The following SUPT3H variants were observed in gnomAD, a reference collection of about 807,000 sequenced individuals.
SUPT3H encodes transcription initiation protein SPT3 homolog.
A neutral mutation model predicts 44.3 loss-of-function variants in SUPT3H; 44 were observed. The ratio of observed to expected loss-of-function variants is 0.99; its 90% confidence interval spans 0.78 to 1.28. The LOEUF (loss-of-function observed/expected upper bound fraction) is 1.28. Ranked by LOEUF, SUPT3H falls within the 50% of genes most tolerant of loss-of-function variation. SUPT3H has a pLI of 0.00. For missense variants in SUPT3H, 380 were observed against 387.1 expected (o/e 0.98, Z 0.15); for synonymous variants, 124 against 125.6 (o/e 0.99, Z 0.09).
chr6:44,946,785 TAA>T (rs1773420382), intron 9 of SUPT3H, among the ~76,000 whole-genome samples: 1 of 152,182 alleles, frequency 6.6e-6, no homozygotes, highest in Non-Finnish European at 1.5e-5. Flanking sequence ...CTTAGTTCCA[TAA>T]ACTTAGCTGA....
chr6:45,274,037 G>A (rs1222543249), intron 2 of SUPT3H, among the ~76,000 whole-genome samples: 4 of 152,100 alleles, frequency 2.6e-5, no homozygotes, highest in Non-Finnish European at 5.9e-5. Flanking sequence ...GTTTTGATTT[G>A]CCAATAGCTA....
intron 10 of SUPT3H, among the ~76,000 whole-genome samples, chr6:44,901,481 T>C (rs1317942069): frequency 6.6e-6 from 1 of 151,922 alleles, no homozygotes; most frequent in African/African-American, 2.4e-5. Flanking sequence ...GAAAAAAGAA[T>C]AAAAAGAAAC....
At chr6:45,049,729 C>G (rs1044978133) in intron 3 of SUPT3H, among the ~76,000 whole-genome samples, 1 of 151,992 alleles carries the variant, frequency 6.6e-6, no homozygotes, top group Non-Finnish European at 1.5e-5. Flanking sequence ...AGCAAAAAAC[C>G]CCTTCACTTT....
intron 10 of SUPT3H, among the ~76,000 whole-genome samples, chr6:44,894,865 A>C (rs1343011727): frequency 6.6e-6 from 1 of 151,878 alleles, no homozygotes; most frequent in Non-Finnish European, 1.5e-5. Context: ...TTAAAATAAT[A>C]TAAAATATAA....
chr6:45,146,960 T>A (rs938812075), intron 2 of SUPT3H, among the ~76,000 whole-genome samples: 1 of 152,112 alleles, frequency 6.6e-6, no homozygotes, highest in Admixed American at 6.6e-5. Context: ...TTCATAATAA[T>A]TGAGAACAAC....
chr6:45,007,560 T>G (rs1782885304), intron 5 of SUPT3H, among the ~76,000 whole-genome samples: 1 of 152,154 alleles, frequency 6.6e-6, no homozygotes, highest in African/African-American at 2.4e-5. Flanking sequence ...TGAATTACTG[T>G]GTGTTAACTC....
At chr6:45,342,886 A>T (rs1790099441) in intron 2 of SUPT3H, among the ~76,000 whole-genome samples, 2 of 152,214 alleles carry the variant, frequency 1.3e-5, no homozygotes, top group African/African-American at 4.8e-5. Context: ...AAGTATTCTC[A>T]TGAAAACCAT....
At chr6:45,176,597 T>A (rs1205864324) in intron 2 of SUPT3H, among the ~76,000 whole-genome samples, 99 of 144,270 alleles carry the variant, frequency 6.9e-4, no homozygotes, top group Middle Eastern at 3.6e-3. Context: ...CCTGCCTGCC[T>A]CTGTAGGCTC....
chr6:45,031,377 A>T (rs373318592), intron 3 of SUPT3H, among the ~76,000 whole-genome samples: 1 of 152,290 alleles, frequency 6.6e-6, no homozygotes, highest in East Asian at 1.9e-4. Context: ...ATACATAGAT[A>T]CATACCAAAC....
intron 9 of SUPT3H, among the ~76,000 whole-genome samples, chr6:44,945,122 A>G (rs1042514081): frequency 6.6e-6 from 1 of 151,816 alleles, no homozygotes; most frequent in South Asian, 2.1e-4. Context: ...GTGATCTGTG[A>G]TCTTTAGTGT....
Position 44,954,535 on chromosome 6 carries a change from A to C in SUPT3H, c.653T>G (p.Met218Arg), listed in dbSNP as rs768990825. 3 of 1,614,144 alleles carry C rather than the reference A, an allele frequency of 1.9e-6. No homozygotes were observed. Among genetic ancestry groups the C allele is most frequent in the Non-Finnish European group, 1.7e-6 (2 of 1,180,000 alleles). Residue 218 changes from methionine to arginine, a missense_variant, in exon 8 of 11, where the codon ATG becomes AGG. By Grantham distance (91) the Met-to-Arg change is moderately conservative (BLOSUM62 -1). Coordinates refer to ENST00000371459, the MANE Select transcript of SUPT3H (RefSeq NM_003599.4). Reference sequence around the variant, plus strand: ...ATACGCTAAATATGCTAAGATTTCCATTGCGACAACATTGGGTTTTATCTC... The same window carrying C: ...ATACGCTAAATATGCTAAGATTTCCCTTGCGACAACATTGGGTTTTATCTC... ...SMEIKPNVVA[M>R]EILAYLAYET...
At chr6:45,330,055 TA>T (rs1445374989) in intron 2 of SUPT3H, among the ~76,000 whole-genome samples, 1 of 151,772 alleles carries the variant, frequency 6.6e-6, no homozygotes, top group Admixed American at 6.6e-5. Flanking sequence ...CAGAAATAAT[TA>T]AACCTGAAGG....
intron 9 of SUPT3H, among the ~76,000 whole-genome samples, chr6:44,952,251 C>A (rs974290202): frequency 6.6e-6 from 1 of 152,106 alleles, no homozygotes; most frequent in African/African-American, 2.4e-5. Flanking sequence ...GTTCACAGAT[C>A]CCTTGGATCC....
intron 10 of SUPT3H, among the ~76,000 whole-genome samples, chr6:44,835,208 A>G (rs1769606275): frequency 6.6e-6 from 1 of 152,086 alleles, no homozygotes; most frequent in African/African-American, 2.4e-5. Context: ...GGGTTGAGCA[A>G]ATAATATGGC....
chr6:44,937,900 CTTTTTTTTTTTTTTTT>C (rs746279156), intron 9 of SUPT3H, among the ~76,000 whole-genome samples: 1 of 59,060 alleles, frequency 1.7e-5, no homozygotes, highest in Non-Finnish European at 2.9e-5. Context: ...TGCTCACTAT[CTTTTTTTTTTTTTTTT>C]TTTTTTTTTT....
At chr6:45,217,594 C>A (rs1370505302) in intron 2 of SUPT3H, among the ~76,000 whole-genome samples, 1 of 151,994 alleles carries the variant, frequency 6.6e-6, no homozygotes, top group Non-Finnish European at 1.5e-5. Context: ...GTCAAAAATA[C>A]TATATATTTT....
intron 6 of SUPT3H, among the ~76,000 whole-genome samples, chr6:44,972,372 C>T (rs761040085): frequency 1.6e-4 from 25 of 152,182 alleles, no homozygotes; most frequent in Non-Finnish European, 2.8e-4. Context: ...CCAGGTCGCA[C>T]GGATTCAAGA....
At chr6:44,981,250 G>T (rs190805161) in intron 6 of SUPT3H, among the ~76,000 whole-genome samples, 1 of 152,254 alleles carries the variant, frequency 6.6e-6, no homozygotes, top group East Asian at 1.9e-4. Context: ...GCAGAGCTGG[G>T]TATAAATAAA....
chr6:44,850,427 G>GT (rs1772676295), intron 10 of SUPT3H, among the ~76,000 whole-genome samples: 1 of 152,106 alleles, frequency 6.6e-6, no homozygotes, highest in Non-Finnish European at 1.5e-5. Flanking sequence ...CCAGATGTAT[G>GT]TTTTTTGAAT....
Sources: gnomAD v4.1 joint callset for allele counts (sites outside exome capture counted in the v4.1 genomes callset) on GRCh38, gnomAD v4.1.1 for gene constraint, MANE v1.5 for transcripts, NCBI Gene and HGNC (gene_info 2026-07-23, HGNC 2026-07-21) for gene names.